Variants in PCK2 observed in about 807,000 individuals in gnomAD.
The protein encoded by PCK2 is phosphoenolpyruvate carboxykinase [GTP], mitochondrial.
Under a neutral mutation model 65.9 loss-of-function variants are expected in PCK2, and 56 were observed. The ratio of observed to expected loss-of-function variants is 0.85; its 90% confidence interval spans 0.69 to 1.06. PCK2 has a LOEUF of 1.06. PCK2 is among the 50% of genes least tolerant of loss of function. PCK2 has a pLI of 0.00. For missense variants in PCK2, 843 were observed against 863.1 expected (o/e 0.98, Z 0.29); for synonymous variants, 305 against 319.6 (o/e 0.95, Z 0.49).
chr14:24,094,880 C>T lies in PCK2; in HGVS notation c.29+446C>T, dbSNP rs1053946468. 71 of 1,275,674 alleles carry T rather than the reference C, an allele frequency of 5.6e-5. No homozygotes were observed. Among genetic ancestry groups the T allele is most frequent in the Non-Finnish European group, 7.3e-5 (71 of 974,704 alleles). The allele number at this position is 1,275,674 out of a possible 1,614,324, so 79.0% of individuals were successfully genotyped here. ...CCCCGGGAGACTAAGCTCAGAGCCC[C>T]CTAAAGAAGGTGGAAGGTTAAATAT... On this transcript the variant is annotated intron_variant, in intron 1 of 9. Transcript: ENST00000216780. The surrounding 1 kb of genome is among the most constrained non-coding windows in gnomAD (Gnocchi z 4.1).
At chr14:24,099,510 C>A (rs2037062643) in intron 5 of PCK2, 48 bp from the exon 6 acceptor site, 1 of 1,532,152 alleles carries the variant, frequency 6.5e-7, no homozygotes, top group East Asian at 2.3e-5. Context: ...AGACCATGCC[C>A]TGACTTTTGG....
Position 24,099,076 on chromosome 14 carries a change from A to C in PCK2, c.692A>C (p.Asn231Thr). Residue 231 changes from asparagine to threonine, a missense_variant, in exon 5 of 10, where the codon AAC becomes ACC. Transcript: ENST00000216780. Reference protein sequence around the residue: ...QGEPVSQWPCNPEKTLIGHVP... With the variant: ...QGEPVSQWPCTPEKTLIGHVP... ...GAGCCAGTGAGCCAGTGGCCGTGCA[A>C]CCCAGAGAAAACCCTGATTGGCCAC... 1.2e-6 allele frequency: 2 copies of C among 1,607,860 alleles called. No homozygotes were observed. Among genetic ancestry groups the C allele is most frequent in the Non-Finnish European group, 1.7e-6 (2 of 1,175,542 alleles).
chr14:24,097,551 C>T (rs1371286766), intron 2 of PCK2, among the ~76,000 whole-genome samples: 4 of 146,616 alleles, frequency 2.7e-5, no homozygotes, highest in Non-Finnish European at 4.5e-5. Flanking sequence ...GCAATAAGAG[C>T]GAAACTCTGT....
Position 24,094,356 on chromosome 14 carries a change from C to A in PCK2, c.-50C>A. On this transcript the variant is annotated 5_prime_UTR_variant, in exon 1 of 10. Transcript: ENST00000216780. This position sits in a 1 kb window ranked among gnomAD's most constrained non-coding sequence, Gnocchi z 4.1. ...CCCTCCTTCCCCGCCTTCCATACCT[C>A]CCCGGCTCCGCTCGGTTCCTGGCCA... is the stretch of plus-strand genomic sequence containing the variant. 2 of 1,514,120 alleles carry A rather than the reference C, an allele frequency of 1.3e-6. No homozygotes were observed. Among genetic ancestry groups the A allele is most frequent in the South Asian group, 2.4e-5 (2 of 83,482 alleles). 93.8% of individuals were successfully genotyped at this position (1,514,120 alleles called of 1,614,324 possible).
intron 7 of PCK2, 161 bp downstream of exon 7, chr14:24,100,374 T>C (rs1280610735): frequency 1.6e-5 from 22 of 1,419,002 alleles, no homozygotes; most frequent in Non-Finnish European, 1.3e-5. Flanking sequence ...TCAGTTCATG[T>C]CCCAACTCCA....
chr14:24,095,060 C>T, intron 1 of PCK2: 2 of 455,314 alleles, frequency 4.4e-6, no homozygotes, highest in Non-Finnish European at 8.8e-6. Context: ...TTCCTCCGTC[C>T]AGGCCTGGAG....
rs1347765044 is a variant in PCK2 at position 24,103,976 on chromosome 14, A to G, written c.*12A>G. 25 of 1,603,144 alleles carry G rather than the reference A, an allele frequency of 1.6e-5. No homozygotes were observed. Among genetic ancestry groups the G allele is most frequent in the Middle Eastern group, 1.7e-4 (1 of 6,060 alleles). ...TGCACAAAATGTGACCTGAGGCCCTAGTCTAGCAAGAGGACATAGCACCCT... is the reference window on the plus strand; with the variant it reads ...TGCACAAAATGTGACCTGAGGCCCTGGTCTAGCAAGAGGACATAGCACCCT... On this transcript the variant is annotated 3_prime_UTR_variant, in exon 10 of 10. Coordinates refer to ENST00000216780, the MANE Select transcript of PCK2 (RefSeq NM_004563.4).
intron 8 of PCK2, 129 bp downstream of exon 8, chr14:24,103,019 C>T: frequency 8.0e-7 from 1 of 1,249,012 alleles, no homozygotes; most frequent in Non-Finnish European, 1.2e-6. Context: ...CTGGTGAATG[C>T]AAACTTGGGA....
rs747284087 is a variant in PCK2, at chr14:24,099,514, C to A, written c.853-44C>A. On this transcript the variant is annotated intron_variant, in intron 5 of 9. Coordinates refer to ENST00000216780, the MANE Select transcript of PCK2 (RefSeq NM_004563.4). Reference sequence around the variant, plus strand: ...CTTCCCCATGCAGACCATGCCCTGACTTTTGGTGACCTCTTTCTTATTCCC... The same window carrying A: ...CTTCCCCATGCAGACCATGCCCTGAATTTTGGTGACCTCTTTCTTATTCCC... 3.9e-6 allele frequency: 6 copies of A among 1,537,556 alleles called. 1 individual carries two copies. In the South Asian group the frequency reaches 7.7e-5, roughly 20 times the overall value.
chr14:24,104,002 C>A lies in PCK2; in HGVS notation c.*38C>A. ...GTCTAGCAAGAGGACATAGCACCCT[C>A]ATCTGGGAATAGGGAAGGCACCTTG... On this transcript the variant is annotated 3_prime_UTR_variant, in exon 10 of 10. Coordinates refer to ENST00000216780, the MANE Select transcript of PCK2 (RefSeq NM_004563.4). 1 of 1,481,576 alleles carries A rather than the reference C, an allele frequency of 6.7e-7. No homozygotes were observed. Among genetic ancestry groups the A allele is most frequent in the Non-Finnish European group, 9.4e-7 (1 of 1,063,192 alleles). 91.8% of individuals were successfully genotyped at this position (1,481,576 alleles called of 1,614,324 possible). A position where few individuals can be genotyped will look rare whatever the true frequency, so the allele number is the denominator to read the frequency against.
intron 2 of PCK2, 112 bp downstream of exon 2, chr14:24,097,249 G>A (rs2036927971): frequency 1.9e-6 from 2 of 1,029,142 alleles, no homozygotes; most frequent in East Asian, 2.4e-5. Flanking sequence ...AAGAATGAGA[G>A]CTTTGGGGTA....
In PCK2 at chr14:24,098,267, CCTT is replaced by C. The variant is rs751483556; in HGVS notation, c.343_345del (p.Ser115del). The C allele has an allele frequency of 1.1e-5, 18 of 1,614,022 alleles. No homozygotes were observed. The Admixed American group carries it at 1.8e-4, about 16-fold the overall frequency. On this transcript the variant is annotated inframe_deletion, in exon 3 of 10. Coordinates refer to ENST00000216780, the MANE Select transcript of PCK2 (RefSeq NM_004563.4). ...AGAGAGCAAGACGGTGATTGTAACT[CCTT>C]CTCAGCGGGACACGGTACCACTCCC...
Position 24,094,727 on chromosome 14 carries a change from G to C in PCK2, c.29+293G>C. 4 of 1,492,038 alleles carry C rather than the reference G, an allele frequency of 2.7e-6. No homozygotes were observed. The highest frequency in any genetic ancestry group is 3.6e-6 in the Non-Finnish European group (4 of 1,119,156). 92.4% of individuals were successfully genotyped at this position (1,492,038 alleles called of 1,614,324 possible). A position where few individuals can be genotyped will look rare whatever the true frequency, so the allele number is the denominator to read the frequency against. On this transcript the variant is annotated intron_variant, in intron 1 of 9. Coordinates refer to ENST00000216780, the MANE Select transcript of PCK2 (RefSeq NM_004563.4). This position sits in a 1 kb window ranked among gnomAD's most constrained non-coding sequence, Gnocchi z 4.1. ...TTCCTCTCTCTCCTCGCTCCTCTCT[G>C]CTGAGCCAGGTCTCCGCATATCCTC...
chr14:24,097,527 G>A (rs1352328409), intron 2 of PCK2, among the ~76,000 whole-genome samples: 1 of 150,566 alleles, frequency 6.6e-6, no homozygotes, highest in Non-Finnish European at 1.5e-5. Context: ...TCGCGTCATT[G>A]CACTCCAGCC....
intron 1 of PCK2, among the ~76,000 whole-genome samples, chr14:24,096,373 G>A (rs541985694): frequency 3.0e-3 from 459 of 151,406 alleles, no homozygotes; most frequent in Non-Finnish European, 4.0e-3. Context: ...TGAGTAGCTG[G>A]GACTAGAGGC....
intron 1 of PCK2, among the ~76,000 whole-genome samples, chr14:24,096,406 T>G (rs962360839): frequency 3.3e-5 from 5 of 151,980 alleles, no homozygotes; most frequent in African/African-American, 1.2e-4. Context: ...ATCCGGCTAA[T>G]TTTTATATTT....
rs960971407 is a variant in PCK2, at chr14:24,102,628, A to G, written c.1235-125A>G. ...CCCCTCTCTCTGCTCCTTATCACAC[A>G]AGGTTCTAGGCAGCTGATGAGGCAA... is the stretch of plus-strand genomic sequence containing the variant. On this transcript the variant is annotated intron_variant, in intron 7 of 9. Transcript: ENST00000216780. The G allele has an allele frequency of 4.1e-5, 31 of 755,740 alleles. No homozygotes were observed. The African/African-American group carries it at 5.1e-4, about 12-fold the overall frequency. The allele number at this position is 755,740 out of a possible 1,614,324, so 46.8% of individuals were successfully genotyped here.
chr14:24,098,173 C>T, intron 2 of PCK2, 30 bp from the exon 3 acceptor site: 1 of 1,564,736 alleles, frequency 6.4e-7, no homozygotes, highest in Non-Finnish European at 8.7e-7. Context: ...CTGCTGGCCA[C>T]CATCTTCCTG....
Position 24,096,992 on chromosome 14 carries a change from A to G in PCK2, c.130A>G (p.Ile44Val). The stretch of plus-strand genomic sequence containing the variant: ...AGATCTGGGCCAGCTTCCCACTGGC[A>G]TTCGAGATTTTGTAGAGCACAGTGC... ...SGDLGQLPTG[I>V]RDFVEHSARL... The change falls in exon 2 of 10, where the codon ATT becomes GTT. Residue 44 changes from isoleucine to valine, a missense_variant. Ile to Val is a conservative substitution (Grantham distance 29). Coordinates refer to ENST00000216780, the MANE Select transcript of PCK2 (RefSeq NM_004563.4). 1 of 1,613,820 alleles carries G rather than the reference A, an allele frequency of 6.2e-7. No homozygotes were observed.
Sources: allele counts gnomAD v4.1 joint callset (sites outside exome capture counted in the v4.1 genomes callset), GRCh38; gene constraint gnomAD v4.1.1; non-coding constraint Gnocchi (gnomAD v3.1); transcripts MANE v1.5; gene names NCBI Gene and HGNC (gene_info 2026-07-23, HGNC 2026-07-21).